TTYH3: variants seen among roughly 807,000 people sequenced by gnomAD.
TTYH3 encodes the protein protein tweety homolog 3.
A neutral mutation model predicts 68.2 loss-of-function variants in TTYH3; 23 were observed. The ratio of observed to expected loss-of-function variants is 0.34; its 90% confidence interval spans 0.24 to 0.48. TTYH3 has a LOEUF of 0.48. TTYH3 is among the 20% of genes least tolerant of loss of function. The pLI, the probability that TTYH3 is intolerant of heterozygous loss-of-function variation, is 0.99. For missense variants in TTYH3, 768 were observed against 727.7 expected, an observed-to-expected ratio of 1.06 and a Z score of -0.64; for synonymous variants, 360 against 332.8, an observed-to-expected ratio of 1.08 and a Z score of -0.89.
At position 2,632,283 on chromosome 7, in the gene TTYH3, C is replaced by A; in HGVS notation, c.123+5C>A. On this transcript the variant is annotated splice_donor_5th_base_variant and intron_variant, in intron 1 of 13. Coordinates refer to ENST00000258796, the MANE Select transcript of TTYH3 (RefSeq NM_025250.3). ...GAGGACACCGACTACCAGCAGGTGA[C>A]ATGGGCCTCTCGGGGTCGCGGGGTC... 1 of 1,574,220 alleles carries A rather than the reference C, an allele frequency of 6.4e-7. No individual in the cohort carries two copies. The highest frequency in any genetic ancestry group is 1.8e-5 in the Admixed American group (1 of 56,356).
In TTYH3 at chr7:2,643,634, C is replaced by T. The variant is rs557912402; in HGVS notation, c.124-3219C>T. Among the ~76,000 whole-genome samples the T allele has an allele frequency of 3.9e-5, 6 of 152,332 alleles. No individual in the cohort carries two copies. In the South Asian group the frequency reaches 6.2e-4, roughly 16 times the overall value. On this transcript the variant is annotated intron_variant, in intron 1 of 13. Transcript: ENST00000258796. Reference sequence around the variant, plus strand: ...TGCCATCTGAGGGACGGGCTTGCCTCGCCCAGATCCTGTTTGGCCAGGGCT... The same window carrying T: ...TGCCATCTGAGGGACGGGCTTGCCTTGCCCAGATCCTGTTTGGCCAGGGCT...
At chr7:2,636,265 G>A (rs1785654132) in intron 1 of TTYH3, among the ~76,000 whole-genome samples, 1 of 152,202 alleles carries the variant, frequency 6.6e-6, no homozygotes, top group African/African-American at 2.4e-5. Flanking sequence ...AATGAGTTCT[G>A]GTTAAAACGG....
intron 4 of TTYH3, 127 bp from the exon 5 acceptor site, chr7:2,647,832 C>G: frequency 8.4e-7 from 1 of 1,186,948 alleles, no homozygotes. Flanking sequence ...GTCCCCATGA[C>G]CCAGACGCTC....
chr7:2,648,900 A>AGTGGGGTGTGG (rs1786077423), intron 5 of TTYH3, among the ~76,000 whole-genome samples: 4 of 30,058 alleles, frequency 1.3e-4, no homozygotes, highest in African/African-American at 4.7e-4. Context: ...TGGGGTGTGC[A>AGTGGGGTGTGG]GGCCTGCAGT....
intron 13 of TTYH3, among the ~76,000 whole-genome samples, chr7:2,661,153 C>T (rs534469068): frequency 2.6e-5 from 4 of 152,302 alleles, no homozygotes; most frequent in South Asian, 4.1e-4. Flanking sequence ...CAGAGTAGCC[C>T]GGGGGATGTC....
At chr7:2,637,368 A>G (rs1785707133) in intron 1 of TTYH3, among the ~76,000 whole-genome samples, 1 of 152,056 alleles carries the variant, frequency 6.6e-6, no homozygotes, top group African/African-American at 2.4e-5. Context: ...TTTCTAAAGC[A>G]CTTTTCTTGG....
chr7:2,658,517 G>A (rs963904695), intron 12 of TTYH3, 58 bp downstream of exon 12: 15 of 1,549,254 alleles, frequency 9.7e-6, no homozygotes, highest in South Asian at 6.0e-5. Context: ...CTGAGAGCGC[G>A]GATCTGGGCT....
intron 9 of TTYH3, among the ~76,000 whole-genome samples, chr7:2,654,108 A>T (rs1786266684): frequency 6.6e-6 from 1 of 152,204 alleles, no homozygotes; most frequent in Non-Finnish European, 1.5e-5. Context: ...GTGTATACAC[A>T]CACGGGGCCG....
In TTYH3 at chr7:2,658,274, C is replaced by G. The variant is rs1583576913; in HGVS notation, c.1251-12C>G. On this transcript the variant is annotated splice_polypyrimidine_tract_variant and intron_variant, in intron 11 of 13. Transcript: ENST00000258796. ...TGGGGCCTGAGCCCGTGCTGCGTGTCCCTCCTCACAGAGGCCCTGATGAGG... is the reference window on the plus strand; with the variant it reads ...TGGGGCCTGAGCCCGTGCTGCGTGTGCCTCCTCACAGAGGCCCTGATGAGG... 1 of 1,546,388 alleles carries G rather than the reference C, an allele frequency of 6.5e-7. No individual in the cohort carries two copies. Among genetic ancestry groups the G allele is most frequent in the South Asian group, 1.2e-5 (1 of 83,596 alleles).
intron 10 of TTYH3, 67 bp downstream of exon 10, chr7:2,656,251 G>A (rs1786331008): frequency 1.9e-6 from 3 of 1,548,704 alleles, no homozygotes; most frequent in South Asian, 1.2e-5. Context: ...GCAGCTGTTC[G>A]GGAGGATGGG....
chr7:2,654,948 C>T (rs754513443), intron 9 of TTYH3, among the ~76,000 whole-genome samples: 87 of 151,840 alleles, frequency 5.7e-4, no homozygotes, highest in South Asian at 4.2e-4. Flanking sequence ...TCATTTTCCT[C>T]TTCTTATAAG....
At position 2,656,505 on chromosome 7, in the gene TTYH3, C is replaced by T. The variant is rs200862283; in HGVS notation, c.1221C>T (p.Cys407=). The T allele has an allele frequency of 2.0e-4, 328 of 1,608,752 alleles. 4 individuals are homozygous for T. Among genetic ancestry groups the T allele is most frequent in the Non-Finnish European group, 2.5e-4 (293 of 1,178,420 alleles). ...VTALMFSSIV[C]SVPHTWQQKR... is the part of the protein sequence containing the mutation. ...CCCTCATGTTCAGCTCCATCGTCTG[C>T]AGCGTCCCGCACACCTGGCAGCAAA... The change falls in exon 11 of 14, where the codon TGC becomes TGT. Residue 407 remains cysteine, a synonymous_variant. Transcript: ENST00000258796.
intron 7 of TTYH3, among the ~76,000 whole-genome samples, chr7:2,650,382 A>C (rs1335532277): frequency 6.6e-6 from 1 of 152,186 alleles, no homozygotes; most frequent in Non-Finnish European, 1.5e-5. Context: ...GTTCAAGAGC[A>C]GTCTGGCCAA....
At chr7:2,658,053 G>A (rs1347946829) in intron 11 of TTYH3, among the ~76,000 whole-genome samples, 1 of 152,240 alleles carries the variant, frequency 6.6e-6, no homozygotes. Flanking sequence ...ACAGGCCGCA[G>A]TACAGGGCCT....
intron 13 of TTYH3, 135 bp downstream of exon 13, chr7:2,659,150 G>C (rs1183697585): frequency 5.7e-6 from 5 of 877,656 alleles, no homozygotes; most frequent in Non-Finnish European, 7.1e-6. Flanking sequence ...CCACCACCGG[G>C]GTCCCAGGTG....
intron 1 of TTYH3, among the ~76,000 whole-genome samples, chr7:2,635,684 C>T (rs1380949348): frequency 6.6e-6 from 1 of 152,208 alleles, no homozygotes; most frequent in Non-Finnish European, 1.5e-5. Flanking sequence ...TCTGACTCCT[C>T]CATGGGCCGT....
chr7:2,647,453 G>T lies in TTYH3; in HGVS notation c.441G>T (p.Ala147=), dbSNP rs1786028932. The part of the protein sequence containing the change: ...WDTAVGLNHT[A]EPSLQTLERQ... ...CGGCGGTGGGGCTGAACCACACGGC[G>T]GAGCCCAGCCTGCAGACCCTGGAGC... The change falls in exon 4 of 14, where the codon GCG becomes GCT. Residue 147 remains alanine (A), a synonymous_variant. Coordinates refer to ENST00000258796, the MANE Select transcript of TTYH3 (RefSeq NM_025250.3). The T allele has an allele frequency of 1.3e-6, 2 of 1,530,494 alleles. No homozygotes were observed. The highest frequency in any genetic ancestry group is 1.8e-6 in the Non-Finnish European group (2 of 1,142,840). The allele number at this position is 1,530,494 out of a possible 1,614,324, so 94.8% of individuals were successfully genotyped here.
At chr7:2,657,676 G>A (rs1562719386) in intron 11 of TTYH3, among the ~76,000 whole-genome samples, 1 of 152,320 alleles carries the variant, frequency 6.6e-6, no homozygotes, top group South Asian at 2.1e-4. Flanking sequence ...CAGCTGGAGT[G>A]TCGAGTGGGC....
chr7:2,650,595 G>T (rs192016741), intron 7 of TTYH3, among the ~76,000 whole-genome samples: 2 of 151,864 alleles, frequency 1.3e-5, no homozygotes, highest in African/African-American at 4.8e-5. Context: ...AAAAAGTAGA[G>T]CCAGAAGGAC....
Sources: allele counts gnomAD v4.1 joint callset (sites outside exome capture counted in the v4.1 genomes callset), GRCh38; gene constraint gnomAD v4.1.1; transcripts MANE v1.5; gene names NCBI Gene and HGNC (gene_info 2026-07-23, HGNC 2026-07-21).